FILIP1: variants seen among roughly 807,000 people sequenced by gnomAD.
FILIP1 encodes the protein filamin-A-interacting protein 1.
A neutral mutation model predicts 102.1 loss-of-function variants in FILIP1; 61 were observed. The observed-to-expected ratio is 0.60, with a 90% CI of 0.49 to 0.74. The LOEUF is 0.74. FILIP1 is among the 30% of genes least tolerant of loss of function. The pLI is 0.00. For synonymous variants in FILIP1, 491 were observed against 526.9 expected, an observed-to-expected ratio of 0.93 and a Z score of 0.93; for missense variants, 1,314 against 1,441.2, an observed-to-expected ratio of 0.91 and a Z score of 1.43.
At chr6:75,365,344 TTTTG>T (rs1487926318) in intron 2 of FILIP1, among the ~76,000 whole-genome samples, 24 of 124,692 alleles carry the variant, frequency 1.9e-4, no homozygotes, top group Non-Finnish European at 3.3e-4. Context: ...GGGCTGGTTT[TTTTG>T]TTTGTTTGTT....
intron 1 of FILIP1, among the ~76,000 whole-genome samples, chr6:75,442,087 G>A (rs1440383484): frequency 3.3e-5 from 5 of 151,916 alleles, no homozygotes; most frequent in South Asian, 2.1e-4. Flanking sequence ...CGGGGCGGCC[G>A]GGCAGAGACG....
In FILIP1 at chr6:75,386,972, GCCTAATGCTATCCTCCCTTTGCTATC is replaced by G. The variant is rs1435061896; in HGVS notation, c.277-24081_277-24056del. 2.0e-3 allele frequency among the ~76,000 whole-genome samples: 303 copies of G among 152,032 alleles called. 1 individual carries two copies. Among genetic ancestry groups the G allele is most frequent in the African/African-American group, 6.7e-3 (279 of 41,502 alleles). ...ACCCATCATCTACATTAGGTATTTT[GCCTAATGCTATCCTCCCTTTGCTATC>G]CCTAATGCTATCCTCCCCTTGCCCC... On this transcript the variant is annotated intron_variant, in intron 2 of 5. Transcript: ENST00000237172.
At chr6:75,474,633 A>G (rs926146233) in intron 1 of FILIP1, among the ~76,000 whole-genome samples, 47 of 152,176 alleles carry the variant, frequency 3.1e-4, no homozygotes, top group African/African-American at 1.1e-3. Flanking sequence ...AGTGAGCTGT[A>G]CATTAGGTTC....
chr6:75,457,638 C>CTA (rs1430342554), intron 1 of FILIP1, among the ~76,000 whole-genome samples: 1 of 152,100 alleles, frequency 6.6e-6, no homozygotes, highest in East Asian at 1.9e-4. Flanking sequence ...CTCTCTCTCT[C>CTA]TCTCTCTCTC....
At chr6:75,380,829 G>A (rs1372747162) in intron 2 of FILIP1, among the ~76,000 whole-genome samples, 4 of 152,084 alleles carry the variant, frequency 2.6e-5, no homozygotes, top group African/African-American at 9.7e-5. Flanking sequence ...TACTGTGCTT[G>A]CAATTATGGA....
chr6:75,365,459 C>T (rs1775297487), intron 2 of FILIP1, among the ~76,000 whole-genome samples: 1 of 152,168 alleles, frequency 6.6e-6, no homozygotes, highest in African/African-American at 2.4e-5. Context: ...CAACCTCCAC[C>T]TCCCGGGTTC....
intron 1 of FILIP1, among the ~76,000 whole-genome samples, chr6:75,449,762 C>A (rs1356501593): frequency 6.6e-6 from 1 of 152,100 alleles, no homozygotes; most frequent in East Asian, 1.9e-4. Context: ...CCCAGCTTAA[C>A]TATCTTAAAG....
chr6:75,309,611 A>G (rs1273768044), intron 5 of FILIP1, among the ~76,000 whole-genome samples: 2 of 152,196 alleles, frequency 1.3e-5, no homozygotes, highest in African/African-American at 2.4e-5. Flanking sequence ...CTAGAAATGC[A>G]GATCCTTATT....
In FILIP1 at chr6:75,493,567, T is replaced by G. The variant is rs1288945049; in HGVS notation, c.-160A>C. On this transcript the variant is annotated 5_prime_UTR_variant, in exon 1 of 6. Coordinates refer to ENST00000237172, the MANE Select transcript of FILIP1 (RefSeq NM_015687.5). ...ACAGAGGAAAAAGCTTTTCCCACTT[T>G]CTTTCCCAGGACCAGCCAATAGCTG... 6.6e-6 allele frequency: 1 copy of G among 152,220 alleles called. No homozygotes were observed. Among genetic ancestry groups the G allele is most frequent in the East Asian group, 1.9e-4 (1 of 5,194 alleles). The allele number at this position is 152,220 out of a possible 1,614,324, so 9.4% of individuals were successfully genotyped here.
chr6:75,492,235 A>C (rs1042016212), intron 1 of FILIP1, among the ~76,000 whole-genome samples: 8 of 152,220 alleles, frequency 5.3e-5, no homozygotes, highest in African/African-American at 1.9e-4. Context: ...ATGCTATATA[A>C]GCTTTAATTA....
At chr6:75,320,950 T>C (rs557323201) in intron 4 of FILIP1, among the ~76,000 whole-genome samples, 7 of 152,356 alleles carry the variant, frequency 4.6e-5, no homozygotes, top group African/African-American at 1.7e-4. Context: ...AAAACAGCTA[T>C]GGGAGTATTA....
chr6:75,483,796 T>A (rs1036390658), intron 1 of FILIP1, among the ~76,000 whole-genome samples: 4 of 152,018 alleles, frequency 2.6e-5, no homozygotes, highest in African/African-American at 7.2e-5. Flanking sequence ...GGCTCCAGAA[T>A]AGCAAAGTGA....
chr6:75,314,028 C>T lies in FILIP1; in HGVS notation c.1804G>A (p.Gly602Ser), dbSNP rs1207881291. Residue 602 changes from glycine to serine, a missense_variant, in exon 5 of 6, where the codon GGT becomes AGT. Physicochemically the swap from Gly to Ser is moderately conservative, Grantham distance 56 (BLOSUM62 0). Transcript: ENST00000237172. ...ATTTCTCTTTCCACTTCCTCTATAC[C>T]ATCAAGTCTCTTCTTTAGTAAGTCA... ...SVDLLKKRLD[G>S]IEEVEREITR... The T allele has an allele frequency of 6.5e-7, 1 of 1,530,926 alleles. No individual in the cohort carries two copies. Among genetic ancestry groups the T allele is most frequent in the Non-Finnish European group, 8.7e-7 (1 of 1,147,332 alleles). The allele number at this position is 1,530,926 out of a possible 1,614,324, so 94.8% of individuals were successfully genotyped here. A position where few individuals can be genotyped will look rare whatever the true frequency, so the allele number is the denominator to read the frequency against.
At chr6:75,347,147 G>T (rs889828828) in intron 4 of FILIP1, among the ~76,000 whole-genome samples, 2 of 152,288 alleles carry the variant, frequency 1.3e-5, no homozygotes, top group East Asian at 1.9e-4. Flanking sequence ...AAGGTAAGAA[G>T]TTAGGAGTGC....
At position 75,312,716 on chromosome 6, in the gene FILIP1, A is replaced by T. The variant is rs920705479; in HGVS notation, c.3116T>A (p.Val1039Asp). The T allele has an allele frequency of 3.0e-5, 49 of 1,614,086 alleles. No individual in the cohort carries two copies. Among genetic ancestry groups the T allele is most frequent in the Non-Finnish European group, 4.1e-5 (48 of 1,180,028 alleles). Residue 1039 changes from valine (V) to aspartate (D), a missense_variant, in exon 5 of 6, where the codon GTC (valine) becomes GAC (aspartate). By Grantham distance (152) the Val-to-Asp change is radical. Transcript: ENST00000237172. ...EMPMGRTILK[V>D]TPEKQTVPTP... ...TGGAACAGTCTGTTTTTCTGGGGTG[A>T]CTTTGAGGATTGTCCGTCCCATGGG...
intron 1 of FILIP1, among the ~76,000 whole-genome samples, chr6:75,433,404 G>T (rs1482850234): frequency 6.6e-6 from 1 of 152,162 alleles, no homozygotes; most frequent in African/African-American, 2.4e-5. Context: ...CTGTGGTTTT[G>T]ATTTGCATTT....
chr6:75,404,050 T>C (rs1776749650), intron 2 of FILIP1, among the ~76,000 whole-genome samples: 2 of 152,030 alleles, frequency 1.3e-5, no homozygotes, highest in African/African-American at 4.8e-5. Flanking sequence ...TGCTTTCACT[T>C]CCACTCCCAG....
intron 1 of FILIP1, among the ~76,000 whole-genome samples, chr6:75,480,206 C>G (rs1226817263): frequency 6.8e-6 from 1 of 146,518 alleles, no homozygotes; most frequent in Non-Finnish European, 1.5e-5. Context: ...TATTTCAACC[C>G]TATTGATTGA....
At position 75,381,374 on chromosome 6, in the gene FILIP1, C is replaced by T. The variant is rs573808439; in HGVS notation, c.277-18457G>A. ...CCTCCTGAGTAGCTGGGATTACAGG[C>T]GCGTGCCACCACGCCCGGCTAATTT... On this transcript the variant is annotated intron_variant, in intron 2 of 5. Transcript: ENST00000237172. 1.2e-4 allele frequency among the ~76,000 whole-genome samples: 18 copies of T among 151,986 alleles called. 1 individual carries two copies. Among genetic ancestry groups the T allele is most frequent in the African/African-American group, 4.4e-4 (18 of 41,362 alleles).
Sources: allele counts gnomAD v4.1 joint callset (sites outside exome capture counted in the v4.1 genomes callset), GRCh38; gene constraint gnomAD v4.1.1; transcripts MANE v1.5; gene names NCBI Gene and HGNC (gene_info 2026-07-23, HGNC 2026-07-21).